Variants in VPS39 observed in about 807,000 individuals in gnomAD.
VPS39 encodes VPS39 subunit of HOPS complex.
VPS39 carries 70 observed loss-of-function variants against 121.0 expected under a neutral mutation model. That is an observed-to-expected ratio of 0.58 (90% confidence interval 0.48 to 0.71). The LOEUF (loss-of-function observed/expected upper bound fraction) is 0.71, where lower values mean the gene tolerates loss of function less well. Ranked by LOEUF, VPS39 falls within the 30% of genes least tolerant of loss-of-function variation. The probability of loss-of-function intolerance (pLI) is 0.00; values close to 1 mark genes in which losing one functional copy is unlikely to be tolerated. For synonymous variants in VPS39, 378 were observed against 398.1 expected (o/e 0.95, Z 0.60); for missense variants, 818 against 1,051.5 (o/e 0.78, Z 3.07).
chr15:42,194,310 C>A lies in VPS39; in HGVS notation c.140-2750G>T, dbSNP rs374987531. On this transcript the variant is annotated intron_variant, in intron 2 of 24. Coordinates refer to ENST00000318006, the MANE Select transcript of VPS39 (RefSeq NM_015289.5). ...CCAATATGGTGAAATCCTGTCTCTA[C>A]TGAAAATACAAAAATTAGCCAGGCA... Among the ~76,000 whole-genome samples the A allele has an allele frequency of 1.2e-3, 179 of 151,852 alleles. 1 individual carries two copies. Among genetic ancestry groups the A allele is most frequent in the African/African-American group, 4.2e-3 (172 of 41,380 alleles).
chr15:42,178,472 G>T lies in VPS39; in HGVS notation c.817C>A (p.Pro273Thr). ...LLVQSIELQR[P>T]RFITSGGSNI... ...TACCCTCCTGAGGTAATGAAACGGG[G>T]CCTTTGCAATTCAATGCTTTGGACC... Residue 273 changes from proline to threonine, a missense_variant, in exon 9 of 25, where the codon CCC becomes ACC. Transcript: ENST00000318006. The T allele has an allele frequency of 6.2e-7, 1 of 1,614,138 alleles. No individual in the cohort carries two copies. Among genetic ancestry groups the T allele is most frequent in the Non-Finnish European group, 8.5e-7 (1 of 1,180,028 alleles).
chr15:42,199,757 C>CA (rs1323217045), intron 2 of VPS39, 139 bp downstream of exon 2: 12 of 871,102 alleles, frequency 1.4e-5, no homozygotes, highest in Admixed American at 1.3e-4. Flanking sequence ...TAGGCATTCT[C>CA]AAGTCTTCTC....
intron 21 of VPS39, among the ~76,000 whole-genome samples, chr15:42,163,001 C>A (rs962267014): frequency 6.6e-5 from 10 of 152,150 alleles, no homozygotes; most frequent in Admixed American, 5.9e-4. Context: ...TCACAACAAT[C>A]AAAAATGTCT....
chr15:42,176,999 C>G (rs989406386), intron 10 of VPS39, among the ~76,000 whole-genome samples: 1 of 151,300 alleles, frequency 6.6e-6, no homozygotes, highest in African/African-American at 2.4e-5. Context: ...CCTGTCTCTA[C>G]AAAAAATAAA....
At chr15:42,171,526 T>A (rs1374609626) in intron 11 of VPS39, among the ~76,000 whole-genome samples, 2 of 152,226 alleles carry the variant, frequency 1.3e-5, no homozygotes, top group Non-Finnish European at 2.9e-5. Flanking sequence ...CACATCAATG[T>A]CCAGTAGTGG....
chr15:42,167,681 T>G (rs1383776007), intron 12 of VPS39, 144 bp from the exon 13 acceptor site: 1 of 1,027,906 alleles, frequency 9.7e-7, no homozygotes, highest in Non-Finnish European at 1.4e-6. Flanking sequence ...CACTGCCAAA[T>G]TGCCACAGAG....
At chr15:42,205,636 T>C (rs894781523) in intron 1 of VPS39, among the ~76,000 whole-genome samples, 1 of 152,226 alleles carries the variant, frequency 6.6e-6, no homozygotes, top group Non-Finnish European at 1.5e-5. Context: ...GAACTTATTC[T>C]AGTTGTGATG....
chr15:42,166,143 G>A lies in VPS39; in HGVS notation c.1680+16C>T, dbSNP rs373354438. ...AAGTGTTTACCAGATAAATCCAAGG[G>A]ACTCCTGTGGCTCACCTTCAGGCCA... On this transcript the variant is annotated intron_variant, in intron 16 of 24. Coordinates refer to ENST00000318006, the MANE Select transcript of VPS39 (RefSeq NM_015289.5). 3.1e-6 allele frequency: 5 copies of A among 1,612,122 alleles called. No homozygotes were observed. The African/African-American group carries it at 6.7e-5, about 22-fold the overall frequency.
intron 2 of VPS39, among the ~76,000 whole-genome samples, chr15:42,195,208 A>C (rs2049911442): frequency 2.0e-5 from 3 of 152,142 alleles, no homozygotes; most frequent in Admixed American, 2.0e-4. Context: ...TGGGAGGTCG[A>C]GGCGGGCGGA....
At chr15:42,168,278 T>C (rs1260625849) in intron 12 of VPS39, among the ~76,000 whole-genome samples, 1 of 152,216 alleles carries the variant, frequency 6.6e-6, no homozygotes, top group African/African-American at 2.4e-5. Flanking sequence ...GCTAAGACAT[T>C]GGCAGTGGAG....
At chr15:42,184,417 C>T (rs1871486) in intron 8 of VPS39, 100 bp downstream of exon 8, 22 of 1,301,962 alleles carry the variant, frequency 1.7e-5, no homozygotes, top group Middle Eastern at 2.8e-4. Flanking sequence ...AATGACACAA[C>T]GTAAACCAGT....
chr15:42,193,290 C>A (rs1346749606), intron 2 of VPS39, among the ~76,000 whole-genome samples: 1 of 151,974 alleles, frequency 6.6e-6, no homozygotes, highest in Non-Finnish European at 1.5e-5. Flanking sequence ...AGTAAGAACC[C>A]ACATCTGCTT....
chr15:42,169,349 G>T (rs145028712), intron 12 of VPS39, among the ~76,000 whole-genome samples: 161 of 152,264 alleles, frequency 1.1e-3, no homozygotes, highest in African/African-American at 3.9e-3. Flanking sequence ...GTACTTTTTT[G>T]TGTGTGTTTT....
rs922959809 is a variant in VPS39, at chr15:42,183,851, G to A, written c.718+666C>T. On this transcript the variant is annotated intron_variant, in intron 8 of 24. Transcript: ENST00000318006. Reference sequence around the variant, plus strand: ...TTAAAGACAGAAAGCATGTCAGTACGTCCCACTTCACAGCAGTAACTATTT... The same window carrying A: ...TTAAAGACAGAAAGCATGTCAGTACATCCCACTTCACAGCAGTAACTATTT... Among the ~76,000 whole-genome samples the A allele has an allele frequency of 2.0e-5, 3 of 152,134 alleles. No homozygotes were observed. In the East Asian group the frequency reaches 5.8e-4, roughly 29 times the overall value.
intron 11 of VPS39, among the ~76,000 whole-genome samples, chr15:42,170,601 G>A (rs1486890982): frequency 6.6e-6 from 1 of 152,040 alleles, no homozygotes; most frequent in Non-Finnish European, 1.5e-5. Flanking sequence ...CAAAAGACAA[G>A]ACCAACTGAC....
chr15:42,163,321 G>A (rs757972550), intron 21 of VPS39, 29 bp downstream of exon 21: 23 of 1,613,888 alleles, frequency 1.4e-5, no homozygotes, highest in African/African-American at 1.3e-5. Flanking sequence ...GTATGCACAC[G>A]TGCTCCCTGG....
Position 42,169,826 on chromosome 15 carries a change from G to A in VPS39, c.1131C>T (p.Pro377=). 6.2e-7 allele frequency: 1 copy of A among 1,614,072 alleles called. No individual in the cohort carries two copies. Among genetic ancestry groups the A allele is most frequent in the Non-Finnish European group, 8.5e-7 (1 of 1,180,022 alleles). ...HVMGLYPDLL[P]TDYRKQLQYP... is the part of the protein sequence containing the mutation. ...ACTGCAACTGCTTTCTGTAGTCTGT[G>A]GGCAGCAGGTCAGGGTACAGGCCCA... is the stretch of plus-strand genomic sequence containing the variant. Residue 377 remains proline (P), a synonymous_variant, in exon 12 of 25, where the codon CCC becomes CCT. Transcript: ENST00000318006.
chr15:42,161,903 T>G (rs1276485678), intron 23 of VPS39, 129 bp downstream of exon 23: 46 of 1,589,110 alleles, frequency 2.9e-5, no homozygotes, highest in Non-Finnish European at 2.6e-6. Flanking sequence ...CAATTCAATG[T>G]CAAGCTGGCT....
chr15:42,170,333 C>T (rs1002382676), intron 11 of VPS39, among the ~76,000 whole-genome samples: 2 of 152,114 alleles, frequency 1.3e-5, no homozygotes, highest in East Asian at 1.9e-4. Context: ...AGTAAGAACA[C>T]ATGTCTACAA....
Sources: gnomAD v4.1 joint callset for allele counts (sites outside exome capture counted in the v4.1 genomes callset) on GRCh38, gnomAD v4.1.1 for gene constraint, MANE v1.5 for transcripts, NCBI Gene and HGNC (gene_info 2026-07-23, HGNC 2026-07-21) for gene names.